The following SLC25A29 variants were observed in gnomAD, a reference collection of about 807,000 sequenced individuals.
The protein encoded by SLC25A29 is mitochondrial basic amino acids transporter.
A neutral mutation model predicts 10.0 loss-of-function variants in SLC25A29; 13 were observed. The ratio of observed to expected loss-of-function variants is 1.30; its 90% CI spans 0.85 to 2.07. SLC25A29 has a LOEUF of 2.07. Among genes scored for constraint, SLC25A29 ranks in the 30% most tolerant of loss-of-function variants. The pLI, the probability that SLC25A29 is intolerant of heterozygous loss-of-function variation, is 0.00. For synonymous variants in SLC25A29, 244 were observed against 221.1 expected, an observed-to-expected ratio of 1.10 and a Z score of -0.92; for missense variants, 475 against 447.6, an observed-to-expected ratio of 1.06 and a Z score of -0.55.
chr14:100,281,888 C>T, the SLC25A29 span: 1 of 152,284 alleles, frequency 6.6e-6, no homozygotes. Context: ...GGCCAAGAGG[C>T]TTCCTGGCAT....
At chr14:100,283,549 A>G in the SLC25A29 span, among the ~76,000 whole-genome samples, 1 of 146,626 alleles carries the variant, frequency 6.8e-6, no homozygotes, top group Non-Finnish European at 1.5e-5. Flanking sequence ...AGTGGCGCGC[A>G]ATCTCAGCTC....
Position 100,292,089 on chromosome 14 carries a change from T to C in SLC25A29, c.*194A>G. 1 of 670,968 alleles carries C rather than the reference T, an allele frequency of 1.5e-6. No homozygotes were observed. The highest frequency in any genetic ancestry group is 2.6e-6 in the Non-Finnish European group (1 of 389,796). The allele number at this position is 670,968 out of a possible 1,614,324, so 41.6% of individuals were successfully genotyped here. ...TACAGTGTGGGCATGAGGGTCCTTA[T>C]TTCATAGATGAGAACACTGAGGCAA... On this transcript the variant is annotated 3_prime_UTR_variant, in exon 4 of 4. Coordinates refer to ENST00000359232, the MANE Select transcript of SLC25A29 (RefSeq NM_001039355.3).
chr14:100,278,601 A>G, the SLC25A29 span: 6 of 152,250 alleles, frequency 3.9e-5, no homozygotes, highest in Admixed American at 2.0e-4. Flanking sequence ...TTTGCACTCA[A>G]TTACAGTGAT....
intron 3 of SLC25A29, 64 bp from the exon 4 acceptor site, chr14:100,293,096 G>A: frequency 1.4e-6 from 2 of 1,467,182 alleles, no homozygotes; most frequent in Non-Finnish European, 9.0e-7. Context: ...CACGCGGAAG[G>A]GGGTCGGGGG....
rs1320280144 is a variant in SLC25A29, at chr14:100,292,766, C to T, written c.429G>A (p.Gly143=). 1.2e-6 allele frequency: 2 copies of T among 1,601,056 alleles called. No individual in the cohort carries two copies. The highest frequency in any genetic ancestry group is 1.3e-5 in the African/African-American group (1 of 74,792). ...GGTTGACGCCACGCAGACCCTCGTG[C>T]CCGTAGATCTGCGCGAGGCAGTCCA... is the stretch of plus-strand genomic sequence containing the variant. ...GSLDCLAQIY[G]HEGLRGVNRG... The change falls in exon 4 of 4, where the codon GGG becomes GGA. Residue 143 remains glycine (G), a synonymous_variant. Transcript: ENST00000359232.
At chr14:100,279,591 T>A in the SLC25A29 span, 1 of 152,158 alleles carries the variant, frequency 6.6e-6, no homozygotes, top group South Asian at 2.1e-4. Context: ...AGGAGAGAGG[T>A]CAGCCCATGG....
chr14:100,306,014 G>T (rs1408844602), intron 1 of SLC25A29, among the ~76,000 whole-genome samples, 185 bp downstream of exon 1: 20 of 152,154 alleles, frequency 1.3e-4, no homozygotes, highest in Non-Finnish European at 1.5e-5. Context: ...CTGCCCTCGC[G>T]GACAGCCCGG....
At chr14:100,298,009 G>C (rs912071541) in intron 2 of SLC25A29, 26 of 152,486 alleles carry the variant, frequency 1.7e-4, no homozygotes, top group African/African-American at 5.8e-4. Flanking sequence ...GTAAGTCACT[G>C]TCTCTGCCAA....
chr14:100,286,470 T>TGG (rs397961103), downstream of SLC25A29, among the ~76,000 whole-genome samples: 3,218 of 79,588 alleles, frequency 0.04, 101 homozygotes, highest in African/African-American at 0.063. Flanking sequence ...AGAGCATGGC[T>TGG]GGGGGGGGGG....
chr14:100,293,749 C>A, intron 2 of SLC25A29: 1 of 209,974 alleles, frequency 4.8e-6, no homozygotes, highest in South Asian at 8.7e-5. Context: ...AGTGAGCGGC[C>A]CATGTCCCAG....
downstream of SLC25A29, among the ~76,000 whole-genome samples, chr14:100,288,382 CAAAAA>C (rs541814439): frequency 1.3e-4 from 8 of 63,832 alleles, no homozygotes; most frequent in Non-Finnish European, 1.8e-4. Flanking sequence ...AACTCTATCT[CAAAAA>C]AAAAAAAAAA....
chr14:100,285,701 T>C, the SLC25A29 span, among the ~76,000 whole-genome samples: 3 of 151,384 alleles, frequency 2.0e-5, no homozygotes, highest in Non-Finnish European at 3.0e-5. Flanking sequence ...CGGAGGAGAC[T>C]CCCGCCGCCA....
chr14:100,298,624 G>A, intron 2 of SLC25A29: 1 of 619,036 alleles, frequency 1.6e-6, no homozygotes, highest in Non-Finnish European at 2.9e-6. Context: ...GGTTCCAGCT[G>A]GCCAAGCCCA....
chr14:100,296,997 G>T (rs1892208865), intron 2 of SLC25A29, among the ~76,000 whole-genome samples: 2 of 151,976 alleles, frequency 1.3e-5, no homozygotes, highest in Non-Finnish European at 1.5e-5. Flanking sequence ...CAGGGGGTTG[G>T]GGGGGGAACC....
chr14:100,295,544 C>A (rs762820192), intron 2 of SLC25A29: 4 of 1,250,668 alleles, frequency 3.2e-6, no homozygotes, highest in Non-Finnish European at 4.2e-6. Flanking sequence ...TCCCCTGCTA[C>A]GGAGGGAACT....
intron 2 of SLC25A29, chr14:100,295,363 C>T (rs563479550): frequency 3.1e-6 from 1 of 327,592 alleles, no homozygotes; most frequent in Admixed American, 4.2e-5. Flanking sequence ...CGGACCCACC[C>T]CTGGGAAACT....
At chr14:100,288,091 A>G (rs937970730), downstream of SLC25A29, among the ~76,000 whole-genome samples, 1 of 152,118 alleles carries the variant, frequency 6.6e-6, no homozygotes, top group Non-Finnish European at 1.5e-5. Flanking sequence ...CGGCCGCAAG[A>G]CAGTCTGGGG....
chr14:100,287,586 G>C (rs112102194), downstream of SLC25A29, among the ~76,000 whole-genome samples: 1,991 of 146,314 alleles, frequency 0.014, 61 homozygotes, highest in South Asian at 0.062. Context: ...TTCTTCTGCC[G>C]TTTATTCCCC....
At chr14:100,305,868 G>T in intron 1 of SLC25A29, 1 of 299,378 alleles carries the variant, frequency 3.3e-6, no homozygotes, top group East Asian at 5.5e-5. Flanking sequence ...TGGGGGAGGG[G>T]AAGGAGATGA....
Sources: gnomAD v4.1 joint callset for allele counts (sites outside exome capture counted in the v4.1 genomes callset) on GRCh38, gnomAD v4.1.1 for gene constraint, MANE v1.5 for transcripts, NCBI Gene and HGNC (gene_info 2026-07-23, HGNC 2026-07-21) for gene names.